SCAI: variants seen among roughly 807,000 people sequenced by gnomAD.
SCAI encodes protein SCAI.
SCAI carries 24 observed loss-of-function variants against 92.2 expected under a neutral mutation model. That is an observed-to-expected ratio of 0.26 (90% CI 0.19 to 0.37). The LOEUF (loss-of-function observed/expected upper bound fraction) is 0.37, where lower values mean the gene tolerates loss of function less well. SCAI is among the 10% of genes least tolerant of loss of function. SCAI has a pLI of 1.00. For synonymous variants in SCAI, 261 were observed against 258.6 expected (o/e 1.01, Z -0.09); for missense variants, 450 against 736.2 (o/e 0.61, Z 4.50).
At chr9:125,022,980 T>C (rs1365996895) in intron 6 of SCAI, among the ~76,000 whole-genome samples, 1 of 148,170 alleles carries the variant, frequency 6.7e-6, no homozygotes, top group Non-Finnish European at 1.5e-5. Flanking sequence ...TCTGAAAATA[T>C]TAACAAGTAA....
intron 14 of SCAI, among the ~76,000 whole-genome samples, chr9:124,981,654 A>T (rs529587264): frequency 2.3e-4 from 33 of 145,714 alleles, no homozygotes; most frequent in East Asian, 2.2e-3. Context: ...ATAGTATTAA[A>T]TTTTTTTTTT....
chr9:124,973,070 G>T (rs745525), intron 15 of SCAI, among the ~76,000 whole-genome samples: 1 of 151,992 alleles, frequency 6.6e-6, no homozygotes, highest in East Asian at 1.9e-4. Context: ...GAGATGTCCT[G>T]GGGACAGGTC....
At chr9:124,975,175 T>C in intron 15 of SCAI, 1 of 356,018 alleles carries the variant, frequency 2.8e-6, no homozygotes, top group Non-Finnish European at 5.6e-6. Flanking sequence ...TTCTATCCCT[T>C]AGTAATTTTA....
chr9:125,037,141 C>A (rs1317913555), intron 3 of SCAI, among the ~76,000 whole-genome samples: 1 of 151,914 alleles, frequency 6.6e-6, no homozygotes, highest in Non-Finnish European at 1.5e-5. Flanking sequence ...TGGTGGCAGG[C>A]GCCCATAATC....
In SCAI at chr9:125,055,864, G is replaced by A. The variant is rs201712830; in HGVS notation, c.230+12C>T. On this transcript the variant is annotated intron_variant, in intron 3 of 17. Coordinates refer to ENST00000336505, the MANE Select transcript of SCAI (RefSeq NM_001144877.3). ...ACTAAAGAAAAGTTCAAAACACCAA[G>A]AGTCCACTCACCTTAACCCATTGAA... The A allele has an allele frequency of 4.1e-4, 641 of 1,581,602 alleles. No individual in the cohort carries two copies. The highest frequency in any genetic ancestry group is 5.3e-4 in the Non-Finnish European group (619 of 1,168,680).
At chr9:125,142,770 C>T in intron 1 of SCAI, 93 bp from the exon 2 acceptor site, 1 of 1,039,924 alleles carries the variant, frequency 9.6e-7, no homozygotes, top group Non-Finnish European at 1.5e-6. Context: ...AAATAGACCA[C>T]CCTCTGGGAC....
At chr9:125,046,014 A>C (rs1356476207) in intron 3 of SCAI, among the ~76,000 whole-genome samples, 1 of 151,468 alleles carries the variant, frequency 6.6e-6, no homozygotes, top group Non-Finnish European at 1.5e-5. Context: ...TTAAATGACT[A>C]AAAGTAAAAC....
chr9:124,971,478 G>C lies in SCAI; in HGVS notation c.1574-8C>G, dbSNP rs1588124339. ...ACTGGAGAAATGCCTGATCTGCAAAGAGGAGAAAAGTGACAGTAAAAAGAT... is the reference window on the plus strand; with the variant it reads ...ACTGGAGAAATGCCTGATCTGCAAACAGGAGAAAAGTGACAGTAAAAAGAT... On this transcript the variant is annotated splice_polypyrimidine_tract_variant and splice_region_variant and intron_variant, in intron 16 of 17. Transcript: ENST00000336505. 6.3e-7 allele frequency: 1 copy of C among 1,588,464 alleles called. No homozygotes were observed. The highest frequency in any genetic ancestry group is 1.1e-5 in the South Asian group (1 of 87,860).
intron 2 of SCAI, among the ~76,000 whole-genome samples, chr9:125,138,249 C>CTTTTTT (rs10570060): frequency 4.8e-5 from 5 of 104,200 alleles, no homozygotes; most frequent in Non-Finnish European, 7.9e-5. Context: ...ACTATTATTT[C>CTTTTTT]TTTTTTTTTT....
chr9:125,012,803 A>G (rs1002844507), intron 9 of SCAI, among the ~76,000 whole-genome samples: 4 of 152,218 alleles, frequency 2.6e-5, no homozygotes, highest in African/African-American at 9.7e-5. Flanking sequence ...AGCAAACGTA[A>G]AAGATCAGAA....
At chr9:125,141,738 CA>C (rs1835671108) in intron 2 of SCAI, among the ~76,000 whole-genome samples, 1 of 152,052 alleles carries the variant, frequency 6.6e-6, no homozygotes. Context: ...TGTCTGGATT[CA>C]AATCCTGGTT....
At chr9:125,001,234 A>G (rs1832355001) in intron 12 of SCAI, among the ~76,000 whole-genome samples, 1 of 152,260 alleles carries the variant, frequency 6.6e-6, no homozygotes, top group South Asian at 2.1e-4. Context: ...TGGCAAGGAC[A>G]TGCATTTTAT....
At chr9:125,107,880 G>A (rs186048867) in intron 2 of SCAI, among the ~76,000 whole-genome samples, 2,025 of 152,208 alleles carry the variant, frequency 0.013, 36 homozygotes, top group African/African-American at 0.044. Flanking sequence ...CTCTGATGCC[G>A]AGCGGAAGCT....
intron 12 of SCAI, among the ~76,000 whole-genome samples, 198 bp downstream of exon 12, chr9:125,001,767 G>A (rs901923042): frequency 6.6e-6 from 1 of 152,074 alleles, no homozygotes; most frequent in African/African-American, 2.4e-5. Context: ...ATGATTTATG[G>A]GCTTTGACAT....
chr9:125,132,271 G>A (rs1256220110), intron 2 of SCAI, among the ~76,000 whole-genome samples: 2 of 151,852 alleles, frequency 1.3e-5, no homozygotes, highest in African/African-American at 2.4e-5. Flanking sequence ...GTACCACCAC[G>A]CCTGGCTAGT....
chr9:125,110,471 T>C (rs931282573), intron 2 of SCAI, among the ~76,000 whole-genome samples: 2 of 152,270 alleles, frequency 1.3e-5, no homozygotes, highest in East Asian at 3.9e-4. Flanking sequence ...TGATATGGTT[T>C]GCATCTGTAT....
At chr9:124,982,575 G>A (rs544310702) in intron 14 of SCAI, among the ~76,000 whole-genome samples, 1 of 151,770 alleles carries the variant, frequency 6.6e-6, no homozygotes, top group African/African-American at 2.4e-5. Flanking sequence ...AGTTATTTGG[G>A]AGGCTGAGGC....
intron 17 of SCAI, among the ~76,000 whole-genome samples, chr9:124,963,797 A>AT (rs1414248635): frequency 6.7e-6 from 1 of 149,906 alleles, no homozygotes; most frequent in East Asian, 2.0e-4. Flanking sequence ...AAAGAAAATC[A>AT]TAAGGAAGAG....
At chr9:124,987,719 T>C (rs1564367848) in intron 14 of SCAI, among the ~76,000 whole-genome samples, 1 of 152,136 alleles carries the variant, frequency 6.6e-6, no homozygotes, top group Non-Finnish European at 1.5e-5. Flanking sequence ...CCCAACACTT[T>C]GGGAGGCCGA....
Sources: allele counts gnomAD v4.1 joint callset (sites outside exome capture counted in the v4.1 genomes callset), GRCh38; gene constraint gnomAD v4.1.1; transcripts MANE v1.5; gene names NCBI Gene and HGNC (gene_info 2026-07-23, HGNC 2026-07-21).